The following SUPT3H variants were observed in gnomAD, a reference collection of about 807,000 sequenced individuals.
SUPT3H encodes the protein SPT3 homolog, SAGA and STAGA complex component, also known as transcription initiation protein SPT3 homolog.
In SUPT3H, 44 loss-of-function variants were observed where a neutral mutation model predicts 44.3. The ratio of observed to expected loss-of-function variants is 0.99; its 90% CI spans 0.78 to 1.28. SUPT3H has a LOEUF of 1.28. SUPT3H is among the 50% of genes most tolerant of loss of function. The probability of loss-of-function intolerance (pLI) is 0.00; values close to 1 mark genes in which losing one functional copy is unlikely to be tolerated. For synonymous variants in SUPT3H, 124 were observed against 125.6 expected, an observed-to-expected ratio of 0.99 and a Z score of 0.09; for missense variants, 380 against 387.1, an observed-to-expected ratio of 0.98 and a Z score of 0.15.
chr6:45,054,519 T>C (rs1583278067), intron 3 of SUPT3H, among the ~76,000 whole-genome samples: 1 of 152,212 alleles, frequency 6.6e-6, no homozygotes, highest in South Asian at 2.1e-4. Flanking sequence ...TCCTGTGTCA[T>C]GTAAAATTTA....
At chr6:45,367,398 A>G (rs904879802) in intron 1 of SUPT3H, among the ~76,000 whole-genome samples, 1 of 152,274 alleles carries the variant, frequency 6.6e-6, no homozygotes, top group African/African-American at 2.4e-5. Flanking sequence ...GACTTTTGGA[A>G]TAAGTACTTT....
chr6:45,264,768 G>A (rs762650006), intron 2 of SUPT3H, among the ~76,000 whole-genome samples: 1 of 151,954 alleles, frequency 6.6e-6, no homozygotes, highest in African/African-American at 2.4e-5. Context: ...ACCAAGAAAG[G>A]AAGGGAGGGA....
intron 2 of SUPT3H, among the ~76,000 whole-genome samples, chr6:45,257,363 A>G (rs911399386): frequency 1.3e-5 from 2 of 152,188 alleles, no homozygotes; most frequent in Non-Finnish European, 2.9e-5. Flanking sequence ...GAATTTTACT[A>G]TACTCCAGCA....
chr6:45,007,806 G>A (rs1451532814), intron 5 of SUPT3H, among the ~76,000 whole-genome samples: 2 of 151,270 alleles, frequency 1.3e-5, no homozygotes, highest in Non-Finnish European at 1.5e-5. Flanking sequence ...TTGAGTGGAG[G>A]ATTTTAATGG....
At chr6:44,944,781 A>AAAAAAAAAAAAAG in intron 9 of SUPT3H, among the ~76,000 whole-genome samples, 1 of 137,044 alleles carries the variant, frequency 7.3e-6, no homozygotes, top group African/African-American at 2.6e-5. Context: ...AAAAAAAAAA[A>AAAAAAAAAAAAAG]AAAAGAAAAG....
At chr6:45,053,583 A>G (rs1169097008) in intron 3 of SUPT3H, among the ~76,000 whole-genome samples, 1 of 151,600 alleles carries the variant, frequency 6.6e-6, no homozygotes, top group Non-Finnish European at 1.5e-5. Context: ...TCATCCCTAA[A>G]GCAGGCTATA....
chr6:44,872,467 C>T (rs1313598522), intron 10 of SUPT3H, among the ~76,000 whole-genome samples: 4 of 149,032 alleles, frequency 2.7e-5, no homozygotes, highest in East Asian at 4.0e-4. Flanking sequence ...TTGTCACCAC[C>T]AGGCCTGCCC....
chr6:45,271,133 A>G (rs1776069892), intron 2 of SUPT3H, among the ~76,000 whole-genome samples: 1 of 152,234 alleles, frequency 6.6e-6, no homozygotes, highest in Admixed American at 6.5e-5. Flanking sequence ...AAGTTTGGAA[A>G]ATGTGCAGCC....
intron 3 of SUPT3H, among the ~76,000 whole-genome samples, chr6:45,060,927 T>C (rs930459816): frequency 6.6e-6 from 1 of 152,078 alleles, no homozygotes; most frequent in Non-Finnish European, 1.5e-5. Context: ...AGAATGGTGA[T>C]TATTAAAATG....
chr6:45,245,903 T>C (rs1771253683), intron 2 of SUPT3H, among the ~76,000 whole-genome samples: 1 of 152,186 alleles, frequency 6.6e-6, no homozygotes, highest in Admixed American at 6.5e-5. Flanking sequence ...CTACCAGCCA[T>C]GCAGAAGTGT....
chr6:44,863,771 G>A (rs372976641), intron 10 of SUPT3H, among the ~76,000 whole-genome samples: 2 of 152,096 alleles, frequency 1.3e-5, no homozygotes, highest in African/African-American at 4.8e-5. Flanking sequence ...ACAGTTCCAC[G>A]TGGCTAGGGA....
intron 10 of SUPT3H, among the ~76,000 whole-genome samples, chr6:44,846,031 C>T (rs139991462): frequency 1.3e-5 from 2 of 152,292 alleles, no homozygotes; most frequent in African/African-American, 2.4e-5. Flanking sequence ...CAGCTGTAAA[C>T]GTTCACCCCT....
intron 2 of SUPT3H, among the ~76,000 whole-genome samples, chr6:45,242,993 G>A (rs1216016489): frequency 3.3e-5 from 5 of 151,862 alleles, no homozygotes; most frequent in Admixed American, 2.0e-4. Flanking sequence ...TCAGGATTTA[G>A]GACCAGCCTA....
At chr6:44,856,593 C>T (rs1289296046) in intron 10 of SUPT3H, among the ~76,000 whole-genome samples, 1 of 152,126 alleles carries the variant, frequency 6.6e-6, no homozygotes, top group African/African-American at 2.4e-5. Flanking sequence ...AACATTTGCC[C>T]TCTTATCCTA....
At chr6:45,252,390 T>C (rs1215591980) in intron 2 of SUPT3H, among the ~76,000 whole-genome samples, 3 of 152,190 alleles carry the variant, frequency 2.0e-5, no homozygotes, top group Admixed American at 2.0e-4. Context: ...ACCAATATTA[T>C]TTCTATTAAT....
intron 4 of SUPT3H, among the ~76,000 whole-genome samples, chr6:45,016,276 T>C (rs1470512313): frequency 6.6e-6 from 1 of 151,996 alleles, no homozygotes; most frequent in Non-Finnish European, 1.5e-5. Flanking sequence ...TTGCAGTACA[T>C]TTTTGAAAAA....
intron 5 of SUPT3H, among the ~76,000 whole-genome samples, chr6:45,007,187 C>A (rs986094811): frequency 2.0e-5 from 3 of 151,998 alleles, no homozygotes; most frequent in Non-Finnish European, 2.9e-5. Flanking sequence ...TTTAATAATT[C>A]CTTTTTTGGA....
At chr6:45,225,187 G>T (rs1420477864) in intron 2 of SUPT3H, among the ~76,000 whole-genome samples, 2 of 151,390 alleles carry the variant, frequency 1.3e-5, no homozygotes, top group Admixed American at 6.6e-5. Context: ...GCTGAGGCAG[G>T]AGAATCGCTT....
In SUPT3H at chr6:44,810,642, TCACGCCTGTAATCC is replaced by T. The variant is rs747507933; in HGVS notation, c.*53-1155_*53-1142del. On this transcript the variant is annotated intron_variant and NMD_transcript_variant, in intron 11 of 11. Transcript: ENST00000475057. Reference sequence around the variant, plus strand: ...TGCACTTTTGGCGGGGCATGGTGGCTCACGCCTGTAATCCCAGCACTTTGGGAGGCTGAGGCAGG... The same window carrying T: ...TGCACTTTTGGCGGGGCATGGTGGCTCAGCACTTTGGGAGGCTGAGGCAGG... Among the ~76,000 whole-genome samples the T allele has an allele frequency of 2.0e-3, 303 of 150,428 alleles. 1 individual carries two copies. The Middle Eastern group carries it at 0.032, about 16-fold the overall frequency.
Sources: gnomAD v4.1 joint callset for allele counts (sites outside exome capture counted in the v4.1 genomes callset) on GRCh38, gnomAD v4.1.1 for gene constraint, MANE v1.5 for transcripts, NCBI Gene and HGNC (gene_info 2026-07-23, HGNC 2026-07-21) for gene names.